The following NAV3 variants were observed in gnomAD, a reference collection of about 807,000 sequenced individuals.
NAV3 encodes the protein neuron navigator 3, also known as pore membrane and/or filament interacting like protein 1.
Under a neutral mutation model 244.7 loss-of-function variants are expected in NAV3, and 87 were observed. The ratio of observed to expected loss-of-function variants is 0.36; its 90% confidence interval spans 0.30 to 0.42. The LOEUF (loss-of-function observed/expected upper bound fraction) is 0.42. NAV3 is among the 20% of genes least tolerant of loss of function. The pLI, the probability that NAV3 is intolerant of heterozygous loss-of-function variation, is 1.00. For missense variants in NAV3, 2,663 were observed against 2,893.3 expected (o/e 0.92, Z 1.83); for synonymous variants, 1,126 against 1,042.2 (o/e 1.08, Z -1.55).
At chr12:77,834,120 G>T (rs1046390318) in intron 1 of NAV3, among the ~76,000 whole-genome samples, 2 of 152,100 alleles carry the variant, frequency 1.3e-5, no homozygotes, top group Admixed American at 6.6e-5. Flanking sequence ...GGCCAGGGTG[G>T]TCTTAGACAA....
intron 38 of NAV3, among the ~76,000 whole-genome samples, chr12:78,201,479 C>G (rs1366018999): frequency 6.6e-6 from 1 of 151,976 alleles, no homozygotes; most frequent in Non-Finnish European, 1.5e-5. Flanking sequence ...GGTTTCACAG[C>G]ATCTTTGCTC....
chr12:77,988,060 C>T (rs528635660), intron 5 of NAV3, among the ~76,000 whole-genome samples: 1 of 152,270 alleles, frequency 6.6e-6, no homozygotes, highest in Non-Finnish European at 1.5e-5. Context: ...TTGGAATATG[C>T]TGTTTGACTT....
chr12:77,746,389 C>T (rs924422392), intron 2 of NAV3, among the ~76,000 whole-genome samples: 61 of 152,034 alleles, frequency 4.0e-4, no homozygotes, highest in Non-Finnish European at 5.0e-4. Context: ...GCACCTGTTT[C>T]GTATAAACAG....
At chr12:78,185,568 T>A in intron 30 of NAV3, 33 bp from the exon 31 acceptor site, 1 of 1,555,924 alleles carries the variant, frequency 6.4e-7, no homozygotes, top group Non-Finnish European at 8.8e-7. Context: ...AATGTTATAC[T>A]GTTGTGTATG....
At chr12:77,606,990 CAAAT>C (rs1219759823) in intron 2 of NAV3, among the ~76,000 whole-genome samples, 1 of 151,868 alleles carries the variant, frequency 6.6e-6, no homozygotes, top group Admixed American at 6.6e-5. Flanking sequence ...ATTCAGGAGA[CAAAT>C]AAATTCGAGG....
chr12:77,647,133 G>A (rs556811502), intron 2 of NAV3, among the ~76,000 whole-genome samples: 3 of 152,038 alleles, frequency 2.0e-5, no homozygotes, highest in African/African-American at 4.8e-5. Context: ...AAAAGGTAAC[G>A]ACGGTAGCAG....
chr12:78,117,156 AGCAT>A, intron 13 of NAV3, among the ~76,000 whole-genome samples: 1 of 25,662 alleles, frequency 3.9e-5, no homozygotes, highest in Non-Finnish European at 6.8e-5. Context: ...AAACAGAAGC[AGCAT>A]ATATATATAT....
At chr12:77,788,128 A>G (rs938047044) in intron 2 of NAV3, among the ~76,000 whole-genome samples, 4 of 152,196 alleles carry the variant, frequency 2.6e-5, no homozygotes, top group African/African-American at 9.6e-5. Flanking sequence ...CTTCATGTAT[A>G]AAATATAAAT....
intron 2 of NAV3, 83 bp downstream of exon 2, chr12:77,940,519 C>G: frequency 1.0e-6 from 1 of 960,756 alleles, no homozygotes; most frequent in Non-Finnish European, 1.6e-6. Flanking sequence ...AAGCGCCTTA[C>G]TGAACTGGTC....
At chr12:78,176,154 A>G (rs1958215138) in intron 25 of NAV3, among the ~76,000 whole-genome samples, 1 of 152,032 alleles carries the variant, frequency 6.6e-6, no homozygotes, top group South Asian at 2.1e-4. Flanking sequence ...ATATTGATCA[A>G]TAGCTAAATA....
chr12:78,147,070 G>GA (rs553814507), intron 21 of NAV3, among the ~76,000 whole-genome samples: 108 of 151,650 alleles, frequency 7.1e-4, no homozygotes, highest in Non-Finnish European at 8.1e-4. Flanking sequence ...AGACAACAGA[G>GA]AAAAAAAATG....
At chr12:77,861,139 G>A (rs935039905) in intron 1 of NAV3, among the ~76,000 whole-genome samples, 4 of 151,738 alleles carry the variant, frequency 2.6e-5, no homozygotes, top group Admixed American at 6.6e-5. Context: ...AAATTAGCAC[G>A]TGGTTGCAAA....
chr12:77,600,454 C>G (rs1870374380), intron 2 of NAV3, among the ~76,000 whole-genome samples: 1 of 151,894 alleles, frequency 6.6e-6, no homozygotes, highest in Non-Finnish European at 1.5e-5. Context: ...CTTCCCCAAG[C>G]TTTAGTTCCT....
chr12:78,157,156 C>T (rs527482036), intron 22 of NAV3, among the ~76,000 whole-genome samples: 4 of 152,148 alleles, frequency 2.6e-5, no homozygotes, highest in South Asian at 2.1e-4. Context: ...TATTTCTTGA[C>T]TTGGCTGGTG....
intron 20 of NAV3, among the ~76,000 whole-genome samples, chr12:78,144,729 TA>T (rs1276633600): frequency 6.6e-6 from 1 of 151,562 alleles, no homozygotes; most frequent in African/African-American, 2.4e-5. Context: ...AATTATTATT[TA>T]AAAATACATG....
chr12:77,957,722 T>A (rs974051424), intron 3 of NAV3, among the ~76,000 whole-genome samples: 3 of 152,066 alleles, frequency 2.0e-5, no homozygotes, highest in Non-Finnish European at 4.4e-5. Flanking sequence ...TGGAGTGTAG[T>A]GGGGTGATCT....
intron 9 of NAV3, among the ~76,000 whole-genome samples, chr12:78,027,251 C>G (rs1460044334): frequency 6.6e-6 from 1 of 151,190 alleles, no homozygotes; most frequent in Non-Finnish European, 1.5e-5. Context: ...GCCTGGACAA[C>G]ATAGTGAGAC....
At chr12:77,865,798 C>CGTGTGTGT (rs35804861) in intron 1 of NAV3, among the ~76,000 whole-genome samples, 2 of 149,152 alleles carry the variant, frequency 1.3e-5, no homozygotes, top group East Asian at 2.0e-4. Flanking sequence ...CGTATATATG[C>CGTGTGTGT]GTGTGTGTGT....
chr12:77,785,353 A>G (rs762228238), intron 2 of NAV3, among the ~76,000 whole-genome samples: 6 of 152,196 alleles, frequency 3.9e-5, no homozygotes, highest in East Asian at 3.9e-4. Flanking sequence ...CCTGGGAGAC[A>G]CTATTTCCCA....
Sources: allele counts gnomAD v4.1 joint callset (sites outside exome capture counted in the v4.1 genomes callset), GRCh38; gene constraint gnomAD v4.1.1; transcripts MANE v1.5; gene names NCBI Gene and HGNC (gene_info 2026-07-23, HGNC 2026-07-21).